Variants in CDH18 observed in about 807,000 individuals in gnomAD.
CDH18 encodes cadherin 18.
CDH18 carries 31 observed loss-of-function variants against 67.9 expected under a neutral mutation model. The ratio of observed to expected loss-of-function variants is 0.46; its 90% CI spans 0.34 to 0.62. CDH18 has a LOEUF of 0.62. CDH18 is among the 20% of genes least tolerant of loss of function. CDH18 has a pLI of 0.01. For missense variants in CDH18, 890 were observed against 975.5 expected (o/e 0.91, Z 1.17); for synonymous variants, 362 against 347.2 (o/e 1.04, Z -0.48).
chr5:19,948,694 G>A (rs1018597880), intron 2 of CDH18, among the ~76,000 whole-genome samples: 5 of 152,058 alleles, frequency 3.3e-5, no homozygotes, highest in Non-Finnish European at 5.9e-5. Flanking sequence ...TTAGAAATCT[G>A]AATAAGCTTC....
At chr5:20,211,600 C>T (rs997203028) in intron 2 of CDH18, among the ~76,000 whole-genome samples, 8 of 152,176 alleles carry the variant, frequency 5.3e-5, no homozygotes, top group Non-Finnish European at 1.0e-4. Flanking sequence ...TGCTGTTTTG[C>T]AGCCTCTGCT....
chr5:20,434,811 G>A (rs999891215), intron 1 of CDH18, among the ~76,000 whole-genome samples: 5 of 151,978 alleles, frequency 3.3e-5, no homozygotes, highest in Admixed American at 6.6e-5. Flanking sequence ...TTTCAGAGAC[G>A]CCACAAGCAT....
intron 1 of CDH18, among the ~76,000 whole-genome samples, chr5:20,472,977 C>T (rs1255832097): frequency 6.6e-6 from 1 of 152,098 alleles, no homozygotes; most frequent in Non-Finnish European, 1.5e-5. Context: ...TTTTAAGCAT[C>T]ATAAGCAGTA....
At position 19,506,522 on chromosome 5, in the gene CDH18, C is replaced by T. The variant is rs560774564; in HGVS notation, c.1513-3413G>A. On this transcript the variant is annotated intron_variant, in intron 10 of 12. Coordinates refer to ENST00000382275, the MANE Select transcript of CDH18 (RefSeq NM_004934.5). ...GACTTCAAACTATACTACAAGGCTA[C>T]AGTAACCAAAACAGCATGGTACTGG... Among the ~76,000 whole-genome samples the T allele has an allele frequency of 8.2e-3, 1,252 of 152,260 alleles. 10 individuals are homozygous for T. The highest frequency in any genetic ancestry group is 0.03 in the South Asian group (147 of 4,826).
chr5:20,023,250 C>T (rs1448343529), intron 2 of CDH18, among the ~76,000 whole-genome samples: 1 of 152,084 alleles, frequency 6.6e-6, no homozygotes, highest in Non-Finnish European at 1.5e-5. Flanking sequence ...AACTAATATC[C>T]ACAGCCCTCA....
chr5:19,776,468 G>A (rs1298593962), intron 3 of CDH18, among the ~76,000 whole-genome samples: 1 of 152,192 alleles, frequency 6.6e-6, no homozygotes, highest in East Asian at 1.9e-4. Context: ...AGAAAGAGGA[G>A]GAAGAGGATG....
chr5:19,918,614 C>T (rs767839421), intron 2 of CDH18, among the ~76,000 whole-genome samples: 7 of 151,854 alleles, frequency 4.6e-5, no homozygotes, highest in East Asian at 1.9e-4. Flanking sequence ...AAAAATGAAC[C>T]GCAATAATTC....
intron 5 of CDH18, among the ~76,000 whole-genome samples, chr5:19,652,753 C>T (rs1755766761): frequency 6.6e-6 from 1 of 152,066 alleles, no homozygotes; most frequent in Admixed American, 6.5e-5. Context: ...TTGCAGAACC[C>T]TGAGACCACA....
chr5:20,036,997 C>T (rs1018785178), intron 2 of CDH18, among the ~76,000 whole-genome samples: 1 of 151,902 alleles, frequency 6.6e-6, no homozygotes, highest in Non-Finnish European at 1.5e-5. Context: ...TTATTTTGAG[C>T]CTATGTGTGT....
At chr5:20,162,494 T>A (rs963709610) in intron 2 of CDH18, among the ~76,000 whole-genome samples, 16 of 98,462 alleles carry the variant, frequency 1.6e-4, no homozygotes, top group African/African-American at 7.5e-4. Flanking sequence ...GACATATATA[T>A]AATAGACATA....
At chr5:20,050,323 C>T (rs1055154578) in intron 2 of CDH18, among the ~76,000 whole-genome samples, 2 of 151,768 alleles carry the variant, frequency 1.3e-5, no homozygotes, top group Admixed American at 6.6e-5. Context: ...GACATTTATG[C>T]CACTGTAACT....
At chr5:20,229,481 C>A (rs1427884963) in intron 2 of CDH18, among the ~76,000 whole-genome samples, 1 of 152,026 alleles carries the variant, frequency 6.6e-6, no homozygotes, top group Admixed American at 6.6e-5. Flanking sequence ...AGCTAGAAAA[C>A]AATGCCAGGA....
At chr5:19,763,736 T>G (rs918966807) in intron 3 of CDH18, among the ~76,000 whole-genome samples, 9 of 152,056 alleles carry the variant, frequency 5.9e-5, no homozygotes, top group African/African-American at 2.2e-4. Context: ...GAATTTAGTT[T>G]AGAAGCCTGT....
At chr5:20,305,880 G>T in intron 1 of CDH18, 1 of 185,232 alleles carries the variant, frequency 5.4e-6, no homozygotes. Flanking sequence ...TTTTCCACTT[G>T]TATACAGGTA....
chr5:19,844,285 G>A (rs992954067), intron 2 of CDH18, among the ~76,000 whole-genome samples: 1 of 152,110 alleles, frequency 6.6e-6, no homozygotes. Context: ...TTTTGGGGGA[G>A]GGACCTCATA....
intron 1 of CDH18, among the ~76,000 whole-genome samples, chr5:20,394,106 A>T (rs1745093261): frequency 6.6e-6 from 1 of 152,056 alleles, no homozygotes; most frequent in Non-Finnish European, 1.5e-5. Context: ...AGCCAAAACA[A>T]TCCCAAGCAA....
At chr5:19,961,103 T>C (rs934398547) in intron 2 of CDH18, among the ~76,000 whole-genome samples, 2 of 117,164 alleles carry the variant, frequency 1.7e-5, no homozygotes, top group Non-Finnish European at 1.6e-5. Context: ...CATTATAATT[T>C]TTTTTTTTTT....
chr5:20,431,504 A>AAAAAAAAAAGAAG (rs536468948), intron 1 of CDH18, among the ~76,000 whole-genome samples: 20 of 138,720 alleles, frequency 1.4e-4, no homozygotes, highest in African/African-American at 2.9e-4. Flanking sequence ...AAAAAAAAAA[A>AAAAAAAAAAGAAG]AAGAAGAAGA....
At chr5:20,546,748 T>TACAC (rs72287076) in intron 1 of CDH18, among the ~76,000 whole-genome samples, 74 of 141,484 alleles carry the variant, frequency 5.2e-4, no homozygotes, top group Middle Eastern at 3.5e-3. Flanking sequence ...CATACATACA[T>TACAC]AGACACACAC....
Sources: gnomAD v4.1 joint callset for allele counts (sites outside exome capture counted in the v4.1 genomes callset) on GRCh38, gnomAD v4.1.1 for gene constraint, MANE v1.5 for transcripts, NCBI Gene and HGNC (gene_info 2026-07-23, HGNC 2026-07-21) for gene names.